Variants in DLG2 observed in about 807,000 individuals in gnomAD.
DLG2 encodes disks large homolog 2.
A neutral mutation model predicts 132.5 loss-of-function variants in DLG2; 45 were observed. The ratio of observed to expected loss-of-function variants is 0.34; its 90% CI spans 0.27 to 0.44. The LOEUF (loss-of-function observed/expected upper bound fraction) is 0.44, where lower values mean the gene tolerates loss of function less well. DLG2 is among the 20% of genes least tolerant of loss of function. The probability of loss-of-function intolerance (pLI) is 1.00; values close to 1 mark genes in which losing one functional copy is unlikely to be tolerated. For synonymous variants in DLG2, 424 were observed against 419.6 expected, an observed-to-expected ratio of 1.01 and a Z score of -0.13; for missense variants, 1,045 against 1,196.9, an observed-to-expected ratio of 0.87 and a Z score of 1.87.
At chr11:84,416,656 C>T (rs886947638) in intron 7 of DLG2, among the ~76,000 whole-genome samples, 1 of 152,176 alleles carries the variant, frequency 6.6e-6, no homozygotes, top group Non-Finnish European at 1.5e-5. Context: ...TTAGCAAAGT[C>T]ATTGAAGCTC....
chr11:84,980,967 T>C (rs983048983), intron 6 of DLG2, among the ~76,000 whole-genome samples: 4 of 152,160 alleles, frequency 2.6e-5, no homozygotes, highest in African/African-American at 9.7e-5. Flanking sequence ...TGTGCTCTCA[T>C]AGACTCTGGG....
chr11:85,606,658 G>C (rs191081114), intron 2 of DLG2, among the ~76,000 whole-genome samples: 3 of 152,180 alleles, frequency 2.0e-5, no homozygotes, highest in South Asian at 2.1e-4. Context: ...TTGTTCTTTC[G>C]CTCTTCACAA....
chr11:84,937,936 CTG>C (rs1336314930), intron 6 of DLG2, among the ~76,000 whole-genome samples: 3 of 152,090 alleles, frequency 2.0e-5, no homozygotes, highest in African/African-American at 7.2e-5. Context: ...TGGAGAGCAT[CTG>C]AGAAAACTCT....
At chr11:83,926,687 T>C (rs567339980) in intron 15 of DLG2, among the ~76,000 whole-genome samples, 1 of 152,226 alleles carries the variant, frequency 6.6e-6, no homozygotes, top group South Asian at 2.1e-4. Context: ...AGATAGTAGA[T>C]TGGGTTCCAC....
At chr11:83,994,168 T>C (rs2093888780) in intron 11 of DLG2, among the ~76,000 whole-genome samples, 3 of 152,142 alleles carry the variant, frequency 2.0e-5, no homozygotes, top group Admixed American at 2.0e-4. Flanking sequence ...TATAGTTATT[T>C]ATAGGAAGGG....
chr11:84,378,298 AG>A (rs1486884674), intron 7 of DLG2, among the ~76,000 whole-genome samples: 2 of 152,270 alleles, frequency 1.3e-5, no homozygotes, highest in African/African-American at 4.8e-5. Context: ...CATCAAGGAA[AG>A]GTCATATGAG....
At chr11:85,138,199 G>C (rs1248464261) in intron 5 of DLG2, among the ~76,000 whole-genome samples, 1 of 152,050 alleles carries the variant, frequency 6.6e-6, no homozygotes, top group Non-Finnish European at 1.5e-5. Flanking sequence ...TTAAATGATA[G>C]CCATGTAGCT....
At chr11:84,545,397 C>A in intron 6 of DLG2, 1 of 509,126 alleles carries the variant, frequency 2.0e-6, no homozygotes, top group Non-Finnish European at 3.8e-6. Flanking sequence ...ACAACCACCA[C>A]GGCTGCCACC....
At chr11:84,369,402 A>T (rs565382821) in intron 7 of DLG2, among the ~76,000 whole-genome samples, 1 of 152,196 alleles carries the variant, frequency 6.6e-6, no homozygotes, top group Non-Finnish European at 1.5e-5. Flanking sequence ...TTTCTCATGC[A>T]TTAAAATACT....
At chr11:83,967,425 T>A (rs1469262302) in intron 12 of DLG2, among the ~76,000 whole-genome samples, 1 of 152,128 alleles carries the variant, frequency 6.6e-6, no homozygotes, top group African/African-American at 2.4e-5. Flanking sequence ...ATAATAGCCA[T>A]CCTAACAGTT....
chr11:84,401,001 T>C (rs984079075), intron 7 of DLG2, among the ~76,000 whole-genome samples: 5 of 152,138 alleles, frequency 3.3e-5, no homozygotes, highest in African/African-American at 1.2e-4. Context: ...TTAACATTCA[T>C]TGAGCACATA....
chr11:85,483,825 T>A (rs1385323189), intron 3 of DLG2, among the ~76,000 whole-genome samples: 1 of 146,592 alleles, frequency 6.8e-6, no homozygotes. Context: ...GCACCTGTAA[T>A]CCCAGCTACT....
intron 18 of DLG2, among the ~76,000 whole-genome samples, chr11:83,677,984 C>T (rs2078067777): frequency 6.6e-6 from 1 of 152,188 alleles, no homozygotes; most frequent in Non-Finnish European, 1.5e-5. Flanking sequence ...TAGTCCTCAG[C>T]TCTAAGTGTT....
At chr11:84,425,253 C>T (rs1406629815) in intron 7 of DLG2, among the ~76,000 whole-genome samples, 1 of 152,018 alleles carries the variant, frequency 6.6e-6, no homozygotes, top group Non-Finnish European at 1.5e-5. Context: ...CTACAGTCAA[C>T]CTGGAAAGAT....
chr11:85,312,141 G>A lies in DLG2; in HGVS notation c.41-26776C>T, dbSNP rs538049636. On this transcript the variant is annotated intron_variant, in intron 3 of 27. Transcript: ENST00000376104. ...CCTCTATAGTAAAATGTGTCACACT[G>A]TATTGTCTCTATTAATTATCTCACA... Among the ~76,000 whole-genome samples the A allele has an allele frequency of 3.0e-3, 460 of 151,970 alleles. 2 individuals carry two copies. The highest frequency in any genetic ancestry group is 0.011 in the African/African-American group (440 of 41,484).
At chr11:84,700,424 C>G (rs890041308) in intron 6 of DLG2, among the ~76,000 whole-genome samples, 1 of 151,566 alleles carries the variant, frequency 6.6e-6, no homozygotes, top group East Asian at 1.9e-4. Flanking sequence ...TTTGAGAACG[C>G]TTTCTACAAG....
At chr11:83,574,637 A>C (rs146919585) in intron 19 of DLG2, among the ~76,000 whole-genome samples, 274 of 152,350 alleles carry the variant, frequency 1.8e-3, no homozygotes, top group Non-Finnish European at 2.8e-3. Flanking sequence ...GAGCTGAACC[A>C]AACTCTTGTG....
intron 6 of DLG2, among the ~76,000 whole-genome samples, chr11:84,550,595 G>A (rs1031601292): frequency 6.6e-6 from 1 of 152,144 alleles, no homozygotes; most frequent in Non-Finnish European, 1.5e-5. Flanking sequence ...CCAAGGATGA[G>A]ATCAGTTACC....
chr11:84,330,833 G>C (rs2098455133), intron 7 of DLG2, among the ~76,000 whole-genome samples: 1 of 152,050 alleles, frequency 6.6e-6, no homozygotes, highest in Non-Finnish European at 1.5e-5. Context: ...TTCATTTCTA[G>C]GTATGAATAT....
Sources: allele counts gnomAD v4.1 joint callset (sites outside exome capture counted in the v4.1 genomes callset), GRCh38; gene constraint gnomAD v4.1.1; transcripts MANE v1.5; gene names NCBI Gene and HGNC (gene_info 2026-07-23, HGNC 2026-07-21).